The following CAPN14 variants were observed in gnomAD, a reference collection of about 807,000 sequenced individuals.
CAPN14 encodes calpain-14.
In CAPN14, 94 loss-of-function variants were observed where a neutral mutation model predicts 101.3. The observed-to-expected ratio is 0.93, with a 90% CI of 0.79 to 1.10. The LOEUF is 1.10. Ranked by LOEUF, CAPN14 falls within the 50% of genes least tolerant of loss-of-function variation. The probability of loss-of-function intolerance (pLI) is 0.00; values close to 1 mark genes in which losing one functional copy is unlikely to be tolerated. For synonymous variants in CAPN14, 338 were observed against 317.9 expected (o/e 1.06, Z -0.67); for missense variants, 837 against 828.4 (o/e 1.01, Z -0.13).
At chr2:31,201,819 A>C (rs748856509) in intron 5 of CAPN14, 43 bp downstream of exon 5, 7 of 1,544,306 alleles carry the variant, frequency 4.5e-6, no homozygotes, top group Non-Finnish European at 6.1e-6. Flanking sequence ...GAGAGAGAGA[A>C]AAAGAAGCGA....
intron 1 of CAPN14, among the ~76,000 whole-genome samples, chr2:31,206,541 C>T (rs1682107928): frequency 6.6e-6 from 1 of 152,230 alleles, no homozygotes; most frequent in Non-Finnish European, 1.5e-5. Flanking sequence ...AGGCGTGAGC[C>T]ACCATGCCCA....
At chr2:31,202,351 C>T in intron 3 of CAPN14, 99 bp from the exon 4 acceptor site, 2 of 857,266 alleles carry the variant, frequency 2.3e-6, no homozygotes, top group Non-Finnish European at 3.8e-6. Context: ...GGGCTTGTAG[C>T]CCAGTTTAGG....
chr2:31,197,359 G>A, intron 7 of CAPN14, 25 bp from the exon 8 acceptor site: 1 of 1,490,172 alleles, frequency 6.7e-7, no homozygotes, highest in South Asian at 1.2e-5. Context: ...AGGCAGTTTA[G>A]GTGACTGGGC....
intron 2 of CAPN14, among the ~76,000 whole-genome samples, chr2:31,222,766 T>G (rs535683518): frequency 2.6e-4 from 39 of 152,260 alleles, no homozygotes; most frequent in Admixed American, 1.8e-3. Flanking sequence ...CAGAAAAAGA[T>G]CTGGAGTTCA....
intron 8 of CAPN14, among the ~76,000 whole-genome samples, chr2:31,195,237 T>C (rs1260096081): frequency 6.6e-6 from 1 of 152,200 alleles, no homozygotes; most frequent in Non-Finnish European, 1.5e-5. Flanking sequence ...CTTTAATCTG[T>C]GCTTTCTGAA....
In CAPN14 at chr2:31,177,144, T is replaced by C. The variant is rs1268008280; in HGVS notation, c.1856-2A>G. Reference sequence around the variant, plus strand: ...AGACGTCATCACTGAGCATGATTCCTGCATTGAGCACAAGCTCCTGCTGTG... The same window carrying C: ...AGACGTCATCACTGAGCATGATTCCCGCATTGAGCACAAGCTCCTGCTGTG... On this transcript the variant is annotated splice_acceptor_variant, in intron 19 of 21. Transcript: ENST00000403897. LOFTEE classifies it high-confidence loss of function. The C allele has an allele frequency of 5.2e-6, 8 of 1,547,922 alleles. No homozygotes were observed. The highest frequency in any genetic ancestry group is 7.0e-6 in the Non-Finnish European group (8 of 1,144,364).
rs1160091341 is a variant in CAPN14 at position 31,187,803 on chromosome 2, G to T, written c.1542C>A (p.Asp514Glu). 1 of 1,551,080 alleles carries T rather than the reference G, an allele frequency of 6.4e-7. No homozygotes were observed. The highest frequency in any genetic ancestry group is 8.7e-7 in the Non-Finnish European group (1 of 1,146,308). ...AGAATTCATCCTGCCTTTCATTTTG[G>T]TCTTCTATCTCCTATAGGAAGAGAC... ...SGVVFSKEIE[D>E]QNERQDEFFT... The change falls in exon 15 of 22, where the codon GAC (aspartate) becomes GAA (glutamate). Residue 514 changes from aspartate (D) to glutamate (E), a missense_variant. By Grantham distance (45) the Asp-to-Glu change is conservative (BLOSUM62 2). Transcript: ENST00000403897.
chr2:31,232,629 G>A (rs1248890496), intron 1 of CAPN14, among the ~76,000 whole-genome samples: 2 of 152,136 alleles, frequency 1.3e-5, no homozygotes, highest in Non-Finnish European at 2.9e-5. Context: ...AGTGGGAAGA[G>A]CCCCTTATAA....
At chr2:31,212,530 T>C (rs1682456237) in intron 1 of CAPN14, among the ~76,000 whole-genome samples, 1 of 152,186 alleles carries the variant, frequency 6.6e-6, no homozygotes, top group Non-Finnish European at 1.5e-5. Flanking sequence ...TGGTGGCTAC[T>C]TTTTCAACCA....
chr2:31,211,913 C>T (rs1305784682), intron 1 of CAPN14, among the ~76,000 whole-genome samples: 2 of 152,028 alleles, frequency 1.3e-5, no homozygotes, highest in African/African-American at 4.8e-5. Flanking sequence ...GAGGGAATTG[C>T]TCAGGAAGGA....
chr2:31,225,350 A>G (rs1682989148), intron 2 of CAPN14, among the ~76,000 whole-genome samples: 1 of 152,066 alleles, frequency 6.6e-6, no homozygotes, highest in South Asian at 2.1e-4. Context: ...TTAAAATAAT[A>G]ACATACAGGG....
chr2:31,217,896 T>G (rs879897855), upstream of CAPN14, among the ~76,000 whole-genome samples: 1 of 152,194 alleles, frequency 6.6e-6, no homozygotes, highest in Admixed American at 6.5e-5. Context: ...TACATCCCTA[T>G]GTTTAAACTA....
intron 1 of CAPN14, among the ~76,000 whole-genome samples, chr2:31,231,575 A>G (rs1266907159): frequency 1.3e-5 from 2 of 152,170 alleles, no homozygotes; most frequent in African/African-American, 4.8e-5. Flanking sequence ...TTTTAAACAG[A>G]TAGATTTCAA....
intron 1 of CAPN14, among the ~76,000 whole-genome samples, chr2:31,215,694 C>G (rs559916654): frequency 5.3e-4 from 81 of 152,084 alleles, no homozygotes; most frequent in African/African-American, 1.9e-3. Flanking sequence ...TGCTGGTTAA[C>G]AGCCCCCTCC....
At chr2:31,185,880 C>A (rs1680875723) in intron 16 of CAPN14, among the ~76,000 whole-genome samples, 1 of 152,164 alleles carries the variant, frequency 6.6e-6, no homozygotes, top group African/African-American at 2.4e-5. Flanking sequence ...CTTCTCACTC[C>A]AAATATATGT....
intron 1 of CAPN14, among the ~76,000 whole-genome samples, chr2:31,205,906 T>G (rs1009444342): frequency 9.2e-5 from 14 of 151,902 alleles, no homozygotes; most frequent in Non-Finnish European, 1.8e-4. Context: ...GGCTGCCTGC[T>G]CAGGCCTCCA....
intron 8 of CAPN14, among the ~76,000 whole-genome samples, chr2:31,195,724 A>G (rs1181871985): frequency 6.6e-6 from 1 of 152,244 alleles, no homozygotes; most frequent in Non-Finnish European, 1.5e-5. Context: ...CCCTGAAATA[A>G]AGGTTTGTCT....
intron 1 of CAPN14, among the ~76,000 whole-genome samples, chr2:31,227,135 G>A (rs1008524271): frequency 6.6e-6 from 1 of 152,154 alleles, no homozygotes; most frequent in Non-Finnish European, 1.5e-5. Context: ...TCTTGCCTTT[G>A]GAAGTTGAGG....
rs1558629257 is a variant in CAPN14 at position 31,205,222 on chromosome 2, C to CCGGGGGCCTCTTCCACTGCAGG, written c.204_225dup (p.Glu76ProfsTer61). 1.3e-6 allele frequency: 2 copies of CCGGGGGCCTCTTCCACTGCAGG among 1,549,514 alleles called. No individual in the cohort carries two copies. Among genetic ancestry groups the CCGGGGGCCTCTTCCACTGCAGG allele is most frequent in the Middle Eastern group, 2.3e-4 (1 of 4,402 alleles). On this transcript the variant is annotated frameshift_variant and splice_region_variant. Coordinates refer to ENST00000403897, the MANE Select transcript of CAPN14 (RefSeq NM_001145122.2). LOFTEE classifies it high-confidence loss of function. ...GTCTGGGCTGACACATTTTGCCTCACCGGGGGCCTCTTCCACTGCAGGCGG... is the reference window on the plus strand; with the variant it reads ...GTCTGGGCTGACACATTTTGCCTCACCGGGGGCCTCTTCCACTGCAGGCGGGGGCCTCTTCCACTGCAGGCGG...
Sources: allele counts gnomAD v4.1 joint callset (sites outside exome capture counted in the v4.1 genomes callset), GRCh38; gene constraint gnomAD v4.1.1; transcripts MANE v1.5; gene names NCBI Gene and HGNC (gene_info 2026-07-23, HGNC 2026-07-21).